The following GPC6 variants were observed in gnomAD, a reference collection of about 807,000 sequenced individuals.
GPC6 encodes the protein glypican-6.
Under a neutral mutation model 55.2 loss-of-function variants are expected in GPC6, and 14 were observed. That is an observed-to-expected ratio of 0.25 (90% CI 0.17 to 0.40). The LOEUF is 0.40. Among genes scored for constraint, GPC6 ranks in the 10% least tolerant of loss-of-function variants. GPC6 has a pLI of 1.00. For missense variants in GPC6, 641 were observed against 708.5 expected (o/e 0.90, Z 1.08); for synonymous variants, 278 against 259.6 (o/e 1.07, Z -0.68).
Position 93,830,247 on chromosome 13 carries a change from T to C in GPC6, c.413T>C (p.Val138Ala), listed in dbSNP as rs1156983735. ...YGMLYMQNSE[V>A]FQDLFTELKR... ...ATGCTGTACATGCAGAATTCAGAAGTCTTCCAGGACCTCTTCACAGAGCTG... is the reference window on the plus strand; with the variant it reads ...ATGCTGTACATGCAGAATTCAGAAGCCTTCCAGGACCTCTTCACAGAGCTG... Residue 138 changes from valine to alanine, a missense_variant, in exon 3 of 9, where the codon GTC (valine) becomes GCC (alanine). Transcript: ENST00000377047. 1 of 1,610,466 alleles carries C rather than the reference T, an allele frequency of 6.2e-7. No individual in the cohort carries two copies. Among genetic ancestry groups the C allele is most frequent in the Non-Finnish European group, 8.5e-7 (1 of 1,177,564 alleles).
intron 1 of GPC6, among the ~76,000 whole-genome samples, chr13:93,311,528 A>G (rs1272761269): frequency 6.6e-6 from 1 of 152,090 alleles, no homozygotes; most frequent in Non-Finnish European, 1.5e-5. Flanking sequence ...TAATCCCATA[A>G]TAGTGTTGAC....
At chr13:94,351,255 C>T (rs1878527913) in intron 6 of GPC6, among the ~76,000 whole-genome samples, 1 of 151,900 alleles carries the variant, frequency 6.6e-6, no homozygotes, top group Non-Finnish European at 1.5e-5. Context: ...AATTTTTCCC[C>T]AAGCTTACAA....
chr13:94,000,068 T>C (rs9561487), intron 3 of GPC6, among the ~76,000 whole-genome samples: 68,123 of 151,938 alleles, frequency 0.45, 16,829 homozygotes, highest in South Asian at 0.63. Context: ...GCGTGGATAT[T>C]TTATACTTCC....
intron 1 of GPC6, among the ~76,000 whole-genome samples, chr13:93,511,211 C>A (rs1375765721): frequency 6.6e-6 from 1 of 150,592 alleles, no homozygotes; most frequent in Non-Finnish European, 1.5e-5. Flanking sequence ...TCCCTTTTGT[C>A]TCCTAGATTT....
chr13:94,354,709 A>T (rs2139172842), intron 6 of GPC6, among the ~76,000 whole-genome samples: 1 of 152,376 alleles, frequency 6.6e-6, no homozygotes, highest in South Asian at 2.1e-4. Flanking sequence ...TGCAGACAGC[A>T]AGATGAATTG....
At chr13:94,249,953 A>T (rs1047912413) in intron 4 of GPC6, among the ~76,000 whole-genome samples, 2 of 152,166 alleles carry the variant, frequency 1.3e-5, no homozygotes, top group African/African-American at 4.8e-5. Context: ...CGGACAGGAA[A>T]TGTCTAGTGG....
chr13:94,322,047 C>A (rs1239086710), intron 6 of GPC6, among the ~76,000 whole-genome samples: 1 of 152,182 alleles, frequency 6.6e-6, no homozygotes. Context: ...TGTATCTCCA[C>A]CCAAATTTCA....
intron 2 of GPC6, among the ~76,000 whole-genome samples, chr13:93,570,878 A>G (rs1876367989): frequency 6.6e-6 from 1 of 152,164 alleles, no homozygotes; most frequent in South Asian, 2.1e-4. Flanking sequence ...GAAACAATAG[A>G]ACATAAATAT....
intron 1 of GPC6, among the ~76,000 whole-genome samples, chr13:93,503,333 T>G (rs1393162757): frequency 2.6e-5 from 4 of 152,218 alleles, no homozygotes; most frequent in Middle Eastern, 3.2e-3. Context: ...GGTGAATCTT[T>G]AGGGCAGCAG....
At chr13:93,789,977 C>G (rs2892666) in intron 2 of GPC6, among the ~76,000 whole-genome samples, 45,018 of 151,782 alleles carry the variant, frequency 0.3, 6,797 homozygotes, top group African/African-American at 0.32. Context: ...AAAAATAAAA[C>G]ATTAAAAGTA....
chr13:93,266,928 A>G (rs1877343761), intron 1 of GPC6, among the ~76,000 whole-genome samples: 1 of 152,200 alleles, frequency 6.6e-6, no homozygotes, highest in African/African-American at 2.4e-5. Flanking sequence ...GATGACTTAG[A>G]ATTCCTGCAT....
intron 1 of GPC6, among the ~76,000 whole-genome samples, chr13:93,431,286 T>A (rs1445269): frequency 0.021 from 3,169 of 152,212 alleles, 55 homozygotes; most frequent in Non-Finnish European, 0.03. Context: ...AAGGAAGCCA[T>A]GTCTATTTTA....
intron 3 of GPC6, among the ~76,000 whole-genome samples, chr13:93,972,240 T>A (rs1284368799): frequency 2.6e-5 from 4 of 152,226 alleles, no homozygotes; most frequent in Admixed American, 2.6e-4. Context: ...AGCTGCTCAC[T>A]AAAACTGATT....
chr13:93,593,773 T>A (rs193231431), intron 2 of GPC6, among the ~76,000 whole-genome samples: 1 of 152,186 alleles, frequency 6.6e-6, no homozygotes, highest in Non-Finnish European at 1.5e-5. Flanking sequence ...CAAAATATCT[T>A]AAATCATATA....
At chr13:94,244,961 A>C (rs530850456) in intron 4 of GPC6, among the ~76,000 whole-genome samples, 3 of 152,220 alleles carry the variant, frequency 2.0e-5, no homozygotes, top group African/African-American at 7.2e-5. Flanking sequence ...AATGGTTACT[A>C]TATAGTGGAA....
chr13:93,471,032 A>G (rs1052660714), intron 1 of GPC6, among the ~76,000 whole-genome samples: 10 of 152,062 alleles, frequency 6.6e-5, no homozygotes, highest in Admixed American at 1.3e-4. Flanking sequence ...AAGGTTTACC[A>G]ATTTTGTTGA....
intron 3 of GPC6, among the ~76,000 whole-genome samples, chr13:93,932,464 A>G (rs1045154758): frequency 2.0e-5 from 3 of 152,228 alleles, no homozygotes; most frequent in Non-Finnish European, 2.9e-5. Flanking sequence ...GAAGATTGCC[A>G]TTAGCATTAC....
chr13:94,046,762 G>T (rs1883748359), intron 4 of GPC6, among the ~76,000 whole-genome samples: 1 of 151,992 alleles, frequency 6.6e-6, no homozygotes, highest in African/African-American at 2.4e-5. Flanking sequence ...TTTTCAATGA[G>T]GTTACATTTA....
At chr13:94,341,958 C>T (rs1878063103) in intron 6 of GPC6, among the ~76,000 whole-genome samples, 4 of 152,108 alleles carry the variant, frequency 2.6e-5, no homozygotes, top group Admixed American at 1.3e-4. Context: ...ACTGATAATT[C>T]GGGGAGAGTT....
Sources: gnomAD v4.1 joint callset for allele counts (sites outside exome capture counted in the v4.1 genomes callset) on GRCh38, gnomAD v4.1.1 for gene constraint, MANE v1.5 for transcripts, NCBI Gene and HGNC (gene_info 2026-07-23, HGNC 2026-07-21) for gene names.